Variants in COL16A1 observed in about 807,000 individuals in gnomAD.
COL16A1 encodes the protein collagen type XVI alpha 1 chain.
In COL16A1, 189 loss-of-function variants were observed where a neutral mutation model predicts 266.3. The observed-to-expected ratio is 0.71, with a 90% confidence interval of 0.63 to 0.80. COL16A1 has a LOEUF of 0.80. Ranked by LOEUF, COL16A1 falls within the 30% of genes least tolerant of loss-of-function variation. The probability of loss-of-function intolerance (pLI) is 0.00; values close to 1 mark genes in which losing one functional copy is unlikely to be tolerated. For synonymous variants in COL16A1, 740 were observed against 782.3 expected (o/e 0.95, Z 0.90); for missense variants, 1,928 against 2,122.4 (o/e 0.91, Z 1.80).
In COL16A1 at chr1:31,698,298, G is replaced by A. The variant is rs115906776; in HGVS notation, c.391-126C>T. On this transcript the variant is annotated intron_variant, in intron 5 of 70. Coordinates refer to ENST00000373672, the MANE Select transcript of COL16A1 (RefSeq NM_001856.4). The surrounding 1 kb of genome is among the most constrained non-coding windows in gnomAD (Gnocchi z 4.1). Reference sequence around the variant, plus strand: ...TGAGGCCCAGAAAGAGAAGAAAGCCGGCTGGGGTCAAGGAGCTATACATCC... The same window carrying A: ...TGAGGCCCAGAAAGAGAAGAAAGCCAGCTGGGGTCAAGGAGCTATACATCC... 6.2e-4 allele frequency: 951 copies of A among 1,538,862 alleles called. 2 individuals carry two copies. In the African/African-American group the frequency reaches 0.011, roughly 18 times the overall value.
chr1:31,671,561 G>A (rs1451161314), intron 48 of COL16A1, 54 bp downstream of exon 48: 5 of 1,610,864 alleles, frequency 3.1e-6, no homozygotes, highest in Admixed American at 3.3e-5. Context: ...GTGTCTGAGT[G>A]TAATGACCCC....
Position 31,662,226 on chromosome 1 carries a change from G to A in COL16A1, c.3681+108C>T. The A allele has an allele frequency of 6.5e-6, 10 of 1,544,724 alleles. No individual in the cohort carries two copies. In the South Asian group the frequency reaches 1.2e-4, roughly 18 times the overall value. ...CCGAGGGAGGGCATGGGTGCCCCCT[G>A]ACAAAGACGGGGATACTTCGGTTCT... On this transcript the variant is annotated intron_variant, in intron 58 of 70. Coordinates refer to ENST00000373672, the MANE Select transcript of COL16A1 (RefSeq NM_001856.4).
intron 56 of COL16A1, 147 bp from the exon 57 acceptor site, chr1:31,662,805 T>G: frequency 2.7e-6 from 2 of 752,130 alleles, no homozygotes; most frequent in Non-Finnish European, 4.2e-6. Context: ...TGTCCCTGTC[T>G]AACTGCATAT....
chr1:31,671,782 C>G, intron 47 of COL16A1, 123 bp from the exon 48 acceptor site: 1 of 1,152,634 alleles, frequency 8.7e-7, no homozygotes, highest in Admixed American at 2.1e-5. Flanking sequence ...GCTGTCCAAG[C>G]AGGACCACTT....
At chr1:31,662,681 C>CT in intron 56 of COL16A1, 23 bp from the exon 57 acceptor site, 2 of 1,172,644 alleles carry the variant, frequency 1.7e-6, no homozygotes, top group Non-Finnish European at 2.4e-6. Context: ...GCCGCCCCCC[C>CT]CCCCCGCCCC....
intron 62 of COL16A1, chr1:31,660,273 CTCTT>C (rs1234585397): frequency 9.1e-5 from 26 of 286,718 alleles, no homozygotes; most frequent in Non-Finnish European, 1.4e-4. Flanking sequence ...CCTGGTTCTT[CTCTT>C]TCTGTCACTC....
intron 47 of COL16A1, among the ~76,000 whole-genome samples, chr1:31,671,919 C>A (rs1023230385): frequency 1.3e-5 from 2 of 152,232 alleles, no homozygotes; most frequent in South Asian, 2.1e-4. Context: ...TAAATAAAAA[C>A]CCCTGCCTCA....
chr1:31,663,336 G>A lies in COL16A1; in HGVS notation c.3556-678C>T, dbSNP rs1641855658. 6.6e-6 allele frequency: 1 copy of A among 152,612 alleles called. No homozygotes were observed. The highest frequency in any genetic ancestry group is 1.9e-4 in the East Asian group (1 of 5,190). 9.5% of individuals were successfully genotyped at this position (152,612 alleles called of 1,614,324 possible). A position where few individuals can be genotyped will look rare whatever the true frequency, so the allele number is the denominator to read the frequency against. On this transcript the variant is annotated intron_variant, in intron 56 of 70. Coordinates refer to ENST00000373672, the MANE Select transcript of COL16A1 (RefSeq NM_001856.4). The surrounding 1 kb of genome is among the most constrained non-coding windows in gnomAD (Gnocchi z 4.9). ...AGTGTCACCAGATGCTAGACTCTGA[G>A]GATGTCTGGGATTGGGCAGGTGGAG...
Position 31,685,529 on chromosome 1 carries a change from C to T in COL16A1, c.2016+110G>A, listed in dbSNP as rs1643924291. ...GGCTCTGACCCCGCCACACCCTCCC[C>T]ACTACCCCCAACTGCCCAGGGAGTC... On this transcript the variant is annotated intron_variant, in intron 29 of 70. Transcript: ENST00000373672. This position sits in a 1 kb window ranked among gnomAD's most constrained non-coding sequence, Gnocchi z 4.0. 1 of 1,330,232 alleles carries T rather than the reference C, an allele frequency of 7.5e-7. No individual in the cohort carries two copies. The highest frequency in any genetic ancestry group is 1.0e-6 in the Non-Finnish European group (1 of 965,054). 82.4% of individuals were successfully genotyped at this position (1,330,232 alleles called of 1,614,324 possible).
intron 42 of COL16A1, among the ~76,000 whole-genome samples, chr1:31,677,482 T>C (rs1456807857): frequency 6.6e-6 from 1 of 152,262 alleles, no homozygotes; most frequent in Non-Finnish European, 1.5e-5. Flanking sequence ...ACTTTGTAAT[T>C]GTTTTCCTGA....
At chr1:31,686,795 T>C (rs1426774557) in intron 26 of COL16A1, among the ~76,000 whole-genome samples, 1 of 152,146 alleles carries the variant, frequency 6.6e-6, no homozygotes, top group Non-Finnish European at 1.5e-5. Flanking sequence ...GGTCATCCAA[T>C]GAAAGAATGG....
chr1:31,678,639 G>A (rs1484863916), intron 42 of COL16A1, among the ~76,000 whole-genome samples: 1 of 152,194 alleles, frequency 6.6e-6, no homozygotes, highest in Admixed American at 6.5e-5. Context: ...AATAATGATA[G>A]CTAATGCCTT....
chr1:31,697,633 G>A lies in COL16A1; in HGVS notation c.657+273C>T, dbSNP rs945311225. The stretch of plus-strand genomic sequence containing the variant: ...TAGGCAAAGGCACGGCAGTGTGAAA[G>A]CACTGGGTGCGCTGGATGGCTAGGA... On this transcript the variant is annotated intron_variant, in intron 6 of 70. Coordinates refer to ENST00000373672, the MANE Select transcript of COL16A1 (RefSeq NM_001856.4). The surrounding 1 kb of genome is among the most constrained non-coding windows in gnomAD (Gnocchi z 4.2). Among the ~76,000 whole-genome samples the A allele has an allele frequency of 6.6e-6, 1 of 152,202 alleles. No individual in the cohort carries two copies. Among genetic ancestry groups the A allele is most frequent in the Non-Finnish European group, 1.5e-5 (1 of 68,034 alleles).
In COL16A1 at chr1:31,656,823, TA is replaced by T. The variant is rs58530152; in HGVS notation, c.4056+209del. 0.23 allele frequency: 108,934 copies of T among 472,016 alleles called. 53 individuals are homozygous for T. Among genetic ancestry groups the T allele is most frequent in the East Asian group, 0.29 (8,538 of 29,740 alleles). 29.2% of individuals were successfully genotyped at this position (472,016 alleles called of 1,614,324 possible). On this transcript the variant is annotated intron_variant, in intron 65 of 70. Coordinates refer to ENST00000373672, the MANE Select transcript of COL16A1 (RefSeq NM_001856.4). This position sits in a 1 kb window ranked among gnomAD's most constrained non-coding sequence, Gnocchi z 4.2. ...TTTCTTTTTGACCAGGTACAGGGTTTAAAAAAAAAAAAAAAAAGGTAAAACA... is the reference window on the plus strand; with the variant it reads ...TTTCTTTTTGACCAGGTACAGGGTTTAAAAAAAAAAAAAAAAGGTAAAACA...
intron 58 of COL16A1, among the ~76,000 whole-genome samples, chr1:31,661,950 C>T (rs1339358714): frequency 6.6e-6 from 1 of 152,118 alleles, no homozygotes; most frequent in Non-Finnish European, 1.5e-5. Context: ...GTCCTGTGGC[C>T]CCAGCCCTTT....
chr1:31,689,479 C>T, intron 23 of COL16A1: 1 of 568,740 alleles, frequency 1.8e-6, no homozygotes, highest in South Asian at 2.2e-5. Context: ...TGGGCTCCAG[C>T]CCAGCTTGCC....
chr1:31,655,069 C>G (rs1361491521), intron 67 of COL16A1, among the ~76,000 whole-genome samples: 1 of 146,004 alleles, frequency 6.8e-6, no homozygotes, highest in African/African-American at 2.5e-5. Context: ...CAGCAACCTC[C>G]GTAGATTCTC....
At position 31,684,131 on chromosome 1, in the gene COL16A1, C is replaced by A; in HGVS notation, c.2261G>T (p.Gly754Val). ...CACGGGTTTACCAGGTCGGCCCACG[C>A]CTTCGGGGCCCTGCTCTCCTTTGGG... ...PGPKGEQGPE[G>V]VGRPGKPGQP... The change falls in exon 32 of 71, where the codon GGC (glycine) becomes GTC (valine). Residue 754 changes from glycine (G) to valine (V), a missense_variant. This residue lies in a region of COL16A1 where 1,552 missense variants were observed against 1,637.2 expected (regional missense o/e 0.95). Transcript: ENST00000373672. The A allele has an allele frequency of 6.4e-7, 1 of 1,561,182 alleles. No homozygotes were observed.
chr1:31,661,803 C>A (rs1305649687), intron 58 of COL16A1, 99 bp from the exon 59 acceptor site: 1 of 1,310,608 alleles, frequency 7.6e-7, no homozygotes, highest in African/African-American at 1.5e-5. Flanking sequence ...CCCCAGCTAT[C>A]CTAAGATGGA....
Sources: gnomAD v4.1 joint callset for allele counts (sites outside exome capture counted in the v4.1 genomes callset) on GRCh38, gnomAD v4.1.1 for gene constraint, gnomAD v4.1.1 regional missense constraint, Gnocchi (gnomAD v3.1) non-coding constraint, MANE v1.5 for transcripts, NCBI Gene and HGNC (gene_info 2026-07-23, HGNC 2026-07-21) for gene names.